Variants in RDH13 observed in about 807,000 individuals in gnomAD.
The protein encoded by RDH13 is retinol dehydrogenase 13 (all-trans and 9-cis).
In RDH13, 35 loss-of-function variants were observed where a neutral mutation model predicts 28.3. That is an observed-to-expected ratio of 1.24 (90% CI 0.95 to 1.64). The LOEUF is 1.64. RDH13 is among the 40% of genes most tolerant of loss of function. RDH13 has a pLI of 0.00. For missense variants in RDH13, 514 were observed against 446.3 expected, an observed-to-expected ratio of 1.15 and a Z score of -1.37; for synonymous variants, 229 against 198.5, an observed-to-expected ratio of 1.15 and a Z score of -1.29.
At chr19:55,055,797 G>T (rs940457635) in intron 3 of RDH13, among the ~76,000 whole-genome samples, 7 of 152,090 alleles carry the variant, frequency 4.6e-5, no homozygotes, top group Non-Finnish European at 7.4e-5. Flanking sequence ...AGACTGCAGT[G>T]AGCCATGACT....
At chr19:55,060,592 G>T (rs925426231) in intron 1 of RDH13, among the ~76,000 whole-genome samples, 1 of 152,214 alleles carries the variant, frequency 6.6e-6, no homozygotes, top group Admixed American at 6.5e-5. Context: ...TGGGCCCACT[G>T]TTGTTTCTCT....
downstream of RDH13, chr19:55,044,069 A>C (rs185353139): frequency 6.6e-5 from 10 of 151,684 alleles, no homozygotes; most frequent in East Asian, 1.9e-3. Context: ...GGCGCCCACC[A>C]CCATGCCCAG....
chr19:55,060,266 G>A (rs1210682815), intron 1 of RDH13, among the ~76,000 whole-genome samples: 3 of 151,982 alleles, frequency 2.0e-5, no homozygotes, highest in African/African-American at 7.3e-5. Context: ...TCTGAGACAG[G>A]AGAAAAGCCG....
At chr19:55,053,499 A>G (rs1568709832) in intron 3 of RDH13, among the ~76,000 whole-genome samples, 1 of 151,492 alleles carries the variant, frequency 6.6e-6, no homozygotes, top group East Asian at 1.9e-4. Context: ...AGTAAAAAAT[A>G]TAAAAAATTA....
At chr19:55,041,298 G>A (rs2075023387), downstream of RDH13, 1 of 152,156 alleles carries the variant, frequency 6.6e-6, no homozygotes, top group Non-Finnish European at 1.5e-5. Context: ...CCTTTTAAAA[G>A]ATACATAAAA....
Position 55,063,050 on chromosome 19 carries a change from C to CGTCAGGT in RDH13, c.-19_-18insACCTGAC, listed in dbSNP as rs754233428. ...CGGCTCATGCCGGGCCGGGGACAGGCGTCAGGCGTCAGGGGTCGGCGCGGA... is the reference window on the plus strand; with the variant it reads ...CGGCTCATGCCGGGCCGGGGACAGGCGTCAGGTGTCAGGCGTCAGGGGTCGGCGCGGA... On this transcript the variant is annotated 5_prime_UTR_variant, in exon 1 of 7. Coordinates refer to ENST00000415061, the MANE Select transcript of RDH13 (RefSeq NM_001145971.2). The CGTCAGGT allele has an allele frequency of 4.6e-6, 6 of 1,294,436 alleles. No individual in the cohort carries two copies. The highest frequency in any genetic ancestry group is 3.3e-5 in the East Asian group (1 of 30,682). 80.2% of individuals were successfully genotyped at this position (1,294,436 alleles called of 1,614,324 possible).
rs560220260 is a variant in RDH13, at chr19:55,051,352, G to C, written c.341-2589C>G. Among the ~76,000 whole-genome samples, 4 of 152,356 alleles carry C rather than the reference G, an allele frequency of 2.6e-5. No individual in the cohort carries two copies. In the South Asian group the frequency reaches 8.3e-4, roughly 32 times the overall value. On this transcript the variant is annotated intron_variant, in intron 3 of 6. Transcript: ENST00000415061. Reference sequence around the variant, plus strand: ...GGCGCAGCACGGGTAAGGCCCAAAGGCGGGACAGGGAGACTCCACTCACAG... The same window carrying C: ...GGCGCAGCACGGGTAAGGCCCAAAGCCGGGACAGGGAGACTCCACTCACAG...
At chr19:55,059,705 G>A (rs1318692042) in intron 1 of RDH13, among the ~76,000 whole-genome samples, 1 of 152,110 alleles carries the variant, frequency 6.6e-6, no homozygotes, top group Non-Finnish European at 1.5e-5. Flanking sequence ...GGAAAAGAGA[G>A]ATTAGACTGT....
intron 3 of RDH13, chr19:55,054,024 C>CTTGATCCCCAAGGGCACA (rs2075551397): frequency 6.6e-6 from 1 of 152,202 alleles, no homozygotes; most frequent in South Asian, 2.1e-4. Context: ...CCGGCTCTTT[C>CTTGATCCCCAAGGGCACA]TTGATCCCCA....
intron 3 of RDH13, among the ~76,000 whole-genome samples, chr19:55,049,270 G>C (rs976303159): frequency 1.1e-4 from 17 of 152,128 alleles, no homozygotes; most frequent in African/African-American, 4.1e-4. Flanking sequence ...TCCTGCCGGA[G>C]CCCCGAGGCC....
At chr19:55,055,454 A>C (rs1023538656) in intron 3 of RDH13, among the ~76,000 whole-genome samples, 1 of 151,372 alleles carries the variant, frequency 6.6e-6, no homozygotes, top group Non-Finnish European at 1.5e-5. Context: ...GTGCCCAGCC[A>C]GTTCTGTCTT....
intron 3 of RDH13, among the ~76,000 whole-genome samples, chr19:55,050,445 AC>A (rs1268648306): frequency 6.6e-6 from 1 of 151,912 alleles, no homozygotes; most frequent in Non-Finnish European, 1.5e-5. Flanking sequence ...TTTCTTTGAG[AC>A]AGGGTCTCCC....
At chr19:55,050,328 G>A (rs1434887032) in intron 3 of RDH13, among the ~76,000 whole-genome samples, 1 of 152,024 alleles carries the variant, frequency 6.6e-6, no homozygotes, top group Non-Finnish European at 1.5e-5. Flanking sequence ...TGTTGGCCAG[G>A]CTAGTCTCAC....
chr19:55,054,450 C>T (rs965459786), intron 3 of RDH13, among the ~76,000 whole-genome samples: 3 of 152,020 alleles, frequency 2.0e-5, no homozygotes, highest in Non-Finnish European at 2.9e-5. Flanking sequence ...AAAAATTAGC[C>T]GGGCATGGTG....
At chr19:55,068,691 C>CT in intron 1 of RDH13, 1 of 145,080 alleles carries the variant, frequency 6.9e-6, no homozygotes, top group Non-Finnish European at 1.5e-5. Flanking sequence ...AAAAAATTAG[C>CT]CAGGCACGGT....
intron 1 of RDH13, among the ~76,000 whole-genome samples, chr19:55,061,270 G>C (rs1363637702): frequency 6.6e-6 from 1 of 152,124 alleles, no homozygotes; most frequent in African/African-American, 2.4e-5. Flanking sequence ...TGGGATTACA[G>C]GCACATGCCA....
chr19:55,056,917 C>T lies in RDH13; in HGVS notation c.185-109G>A, dbSNP rs188744496. 7.6e-5 allele frequency: 73 copies of T among 955,842 alleles called. 1 individual carries two copies. The East Asian group carries it at 1.8e-3, about 23-fold the overall frequency. The allele number at this position is 955,842 out of a possible 1,614,324, so 59.2% of individuals were successfully genotyped here. On this transcript the variant is annotated intron_variant, in intron 2 of 6. Transcript: ENST00000415061. ...ACAAAAACACATCCACCAATGTTCACTGCGGCATTCTTCACAAAAGCCAAA... is the reference window on the plus strand; with the variant it reads ...ACAAAAACACATCCACCAATGTTCATTGCGGCATTCTTCACAAAAGCCAAA...
In RDH13 at chr19:55,044,878, C is replaced by G. The variant is rs1275797946; in HGVS notation, c.*196G>C. ...CCTGCTGGCAGCAGAGCAGACGGAA[C>G]CAGCCAGAGCCCAGGGCAGTGCTCA... On this transcript the variant is annotated 3_prime_UTR_variant, in exon 7 of 7. Transcript: ENST00000415061. 3.8e-6 allele frequency: 2 copies of G among 530,692 alleles called. No homozygotes were observed. The allele number at this position is 530,692 out of a possible 1,614,324, so 32.9% of individuals were successfully genotyped here. A position where few individuals can be genotyped will look rare whatever the true frequency, so the allele number is the denominator to read the frequency against.
At chr19:55,069,157 C>T (rs978952334) in intron 1 of RDH13, among the ~76,000 whole-genome samples, 3 of 149,236 alleles carry the variant, frequency 2.0e-5, no homozygotes, top group Non-Finnish European at 4.5e-5. Flanking sequence ...CAAACCACCC[C>T]GCCACGATCC....
Sources: allele counts gnomAD v4.1 joint callset (sites outside exome capture counted in the v4.1 genomes callset), GRCh38; gene constraint gnomAD v4.1.1; transcripts MANE v1.5; gene names NCBI Gene and HGNC (gene_info 2026-07-23, HGNC 2026-07-21).